Variants in PDZD9 observed in about 807,000 individuals in gnomAD.
The protein encoded by PDZD9 is PDZ domain containing 9.
A neutral mutation model predicts 16.3 loss-of-function variants in PDZD9; 13 were observed. That is an observed-to-expected ratio of 0.80 (90% CI 0.52 to 1.27). The LOEUF (loss-of-function observed/expected upper bound fraction) is 1.27, where lower values mean the gene tolerates loss of function less well. Among genes scored for constraint, PDZD9 ranks in the 50% most tolerant of loss-of-function variants. PDZD9 has a pLI of 0.00. For synonymous variants in PDZD9, 120 were observed against 111.0 expected (o/e 1.08, Z -0.51); for missense variants, 288 against 310.9 (o/e 0.93, Z 0.55).
the PDZD9 span, chr16:21,959,875 AT>A: frequency 6.6e-6 from 1 of 152,230 alleles, no homozygotes; most frequent in African/African-American, 2.4e-5. Context: ...TGTTGCAGTA[AT>A]AATTTGAAAG....
At chr16:21,974,795 A>G in the PDZD9 span, among the ~76,000 whole-genome samples, 1 of 152,212 alleles carries the variant, frequency 6.6e-6, no homozygotes, top group African/African-American at 2.4e-5. Context: ...TGAGAAAGGA[A>G]TACTTGGGAT....
the PDZD9 span, chr16:21,962,899 C>A: frequency 6.2e-7 from 1 of 1,611,704 alleles, no homozygotes; most frequent in Non-Finnish European, 8.5e-7. Context: ...AGTACATTTC[C>A]AGATCACATT....
At chr16:21,983,702 C>T (rs1898793245), downstream of PDZD9, 1 of 154,306 alleles carries the variant, frequency 6.5e-6, no homozygotes, top group African/African-American at 2.4e-5. Flanking sequence ...TCTGATTTAT[C>T]TTCATTGACA....
chr16:21,995,273 T>C (rs1261276747), intron 2 of PDZD9: 1 of 456,480 alleles, frequency 2.2e-6, no homozygotes, highest in Non-Finnish European at 4.4e-6. Context: ...GATTGTAAGT[T>C]TCCTGAGGCC....
chr16:22,001,054 G>A lies in PDZD9; in HGVS notation c.-7C>T, dbSNP rs1460107311. On this transcript the variant is annotated 5_prime_UTR_variant, in exon 1 of 4. Coordinates refer to ENST00000424898, the MANE Select transcript of PDZD9 (RefSeq NM_001363519.1). ...TGTGGGAGGCCTTCTGCATGGTCCC[G>A]GGAGGTCAGGCAGCCCGGGAGGGCC... The A allele has an allele frequency of 3.3e-6, 5 of 1,526,586 alleles. No homozygotes were observed. The highest frequency in any genetic ancestry group is 4.4e-6 in the Non-Finnish European group (5 of 1,142,868). 94.6% of individuals were successfully genotyped at this position (1,526,586 alleles called of 1,614,324 possible). A position where few individuals can be genotyped will look rare whatever the true frequency, so the allele number is the denominator to read the frequency against.
chr16:21,961,294 A>T, the PDZD9 span: 1 of 442,940 alleles, frequency 2.3e-6, no homozygotes, highest in South Asian at 1.6e-5. Context: ...TATTCTTTAT[A>T]AAGACTGGAA....
chr16:21,988,948 T>C (rs74718891), intron 2 of PDZD9, among the ~76,000 whole-genome samples, 157 bp from the exon 3 acceptor site: 8 of 149,708 alleles, frequency 5.3e-5, no homozygotes, highest in Non-Finnish European at 1.0e-4. Context: ...TTTTTTTTTT[T>C]GAGATGAAGT....
At chr16:21,990,522 A>G (rs953128740) in intron 2 of PDZD9, among the ~76,000 whole-genome samples, 5 of 152,204 alleles carry the variant, frequency 3.3e-5, no homozygotes, top group African/African-American at 1.2e-4. Context: ...TTTGGTCTTA[A>G]GCAGTAGCTG....
intron 2 of PDZD9, among the ~76,000 whole-genome samples, chr16:21,993,288 G>A (rs776516692): frequency 2.6e-5 from 4 of 152,054 alleles, no homozygotes; most frequent in Non-Finnish European, 4.4e-5. Context: ...GCATACTCCT[G>A]TCCCACTCTA....
At chr16:21,986,349 C>G (rs1020191200) in intron 3 of PDZD9, among the ~76,000 whole-genome samples, 3 of 152,114 alleles carry the variant, frequency 2.0e-5, no homozygotes, top group Non-Finnish European at 4.4e-5. Context: ...TTGTACTGTT[C>G]TATCTTTTCT....
At chr16:22,000,825 AATGATGATGATGATGATGATGATG>A (rs10611346) in intron 1 of PDZD9, among the ~76,000 whole-genome samples, 168 bp downstream of exon 1, 2 of 140,474 alleles carry the variant, frequency 1.4e-5, no homozygotes, top group Non-Finnish European at 3.1e-5. Flanking sequence ...CTCCTTCTCA[AATGATGATGATGATGATGATGATG>A]ATGATGATGA....
At chr16:21,992,742 C>A (rs1899054217) in intron 2 of PDZD9, among the ~76,000 whole-genome samples, 1 of 152,164 alleles carries the variant, frequency 6.6e-6, no homozygotes, top group Non-Finnish European at 1.5e-5. Context: ...GGCTTCCCAA[C>A]TTTTGAGGTT....
downstream of PDZD9, among the ~76,000 whole-genome samples, chr16:21,982,200 A>G (rs1218876154): frequency 2.6e-5 from 4 of 151,976 alleles, no homozygotes; most frequent in Non-Finnish European, 4.4e-5. Context: ...GTGCGTCCCA[A>G]CCCGACTGCT....
At position 21,984,568 on chromosome 16, in the gene PDZD9, T is replaced by A; in HGVS notation, c.494A>T (p.Tyr165Phe). Residue 165 changes from tyrosine (Y) to phenylalanine (F), a missense_variant, in exon 4 of 4, where the codon TAT becomes TTT. By Grantham distance (22) the Tyr-to-Phe change is conservative. Transcript: ENST00000424898. ...NVDLDKRLQY[Y>F]RYPWSTVHHP... is the part of the protein sequence containing the mutation. ...ATGCACAGTTGACCACGGATATCTATAATATTGAAGTCTTTTATCTAAATC... is the reference window on the plus strand; with the variant it reads ...ATGCACAGTTGACCACGGATATCTAAAATATTGAAGTCTTTTATCTAAATC... 6.3e-7 allele frequency: 1 copy of A among 1,580,946 alleles called. No individual in the cohort carries two copies. Among genetic ancestry groups the A allele is most frequent in the Non-Finnish European group, 8.6e-7 (1 of 1,157,892 alleles).
rs372091262 is a variant in PDZD9 at position 21,988,830 on chromosome 16, G to T, written c.212-39C>A. 1.2e-3 allele frequency: 1,825 copies of T among 1,489,408 alleles called. 4 individuals carry two copies. Among genetic ancestry groups the T allele is most frequent in the Non-Finnish European group, 1.6e-3 (1,756 of 1,095,928 alleles). The allele number at this position is 1,489,408 out of a possible 1,614,324, so 92.3% of individuals were successfully genotyped here. A position where few individuals can be genotyped will look rare whatever the true frequency, so the allele number is the denominator to read the frequency against. Reference sequence around the variant, plus strand: ...AAATTATGTATCAGTAAAACTAGAGGTTTAAAGGGACTATATTGATTTCTG... The same window carrying T: ...AAATTATGTATCAGTAAAACTAGAGTTTTAAAGGGACTATATTGATTTCTG... On this transcript the variant is annotated intron_variant, in intron 2 of 3. Transcript: ENST00000424898.
intron 2 of PDZD9, among the ~76,000 whole-genome samples, chr16:21,994,991 C>G (rs1326753606): frequency 6.6e-6 from 1 of 152,042 alleles, no homozygotes; most frequent in South Asian, 2.1e-4. Context: ...CCATGCCGGG[C>G]TGCTTTCGTT....
At chr16:21,981,541 C>T (rs542939710), downstream of PDZD9, among the ~76,000 whole-genome samples, 3 of 152,074 alleles carry the variant, frequency 2.0e-5, no homozygotes, top group South Asian at 4.2e-4. Flanking sequence ...ATTGCTTGAG[C>T]CCAGGAGTTC....
At position 21,996,463 on chromosome 16, in the gene PDZD9, T is replaced by C; in HGVS notation, c.70A>G (p.Asn24Asp). The C allele has an allele frequency of 6.5e-7, 1 of 1,536,030 alleles. No homozygotes were observed. The highest frequency in any genetic ancestry group is 8.7e-7 in the Non-Finnish European group (1 of 1,146,852). The change falls in exon 2 of 4, where the codon AAC (asparagine) becomes GAC (aspartate). Residue 24 changes from asparagine (N) to aspartate (D), a missense_variant. Asn to Asp is a conservative substitution (Grantham distance 23). Coordinates refer to ENST00000424898, the MANE Select transcript of PDZD9 (RefSeq NM_001363519.1). Reference sequence around the variant, plus strand: ...TTGGTCTGCTGTGTTTTGCTCAAGTTGTGTACAGATGTTTTGACCTTGTTG... The same window carrying C: ...TTGGTCTGCTGTGTTTTGCTCAAGTCGTGTACAGATGTTTTGACCTTGTTG... The part of the protein sequence containing the change: ...VSNKVKTSVH[N>D]LSKTQQTKLT...
chr16:21,977,524 A>G, the PDZD9 span, among the ~76,000 whole-genome samples: 1 of 152,138 alleles, frequency 6.6e-6, no homozygotes, highest in Non-Finnish European at 1.5e-5. Context: ...AGACTAAAAT[A>G]CTTGTCTGCT....
Sources: allele counts gnomAD v4.1 joint callset (sites outside exome capture counted in the v4.1 genomes callset), GRCh38; gene constraint gnomAD v4.1.1; transcripts MANE v1.5; gene names NCBI Gene and HGNC (gene_info 2026-07-23, HGNC 2026-07-21).